The following RBPMS variants were observed in gnomAD, a reference collection of about 807,000 sequenced individuals.
RBPMS encodes RNA-binding protein with multiple splicing.
A neutral mutation model predicts 26.8 loss-of-function variants in RBPMS; 7 were observed. The ratio of observed to expected loss-of-function variants is 0.26; its 90% CI spans 0.15 to 0.49. The LOEUF (loss-of-function observed/expected upper bound fraction) is 0.49, where lower values mean the gene tolerates loss of function less well. RBPMS is among the 20% of genes least tolerant of loss of function. RBPMS has a pLI of 0.98. For missense variants in RBPMS, 186 were observed against 250.0 expected, an observed-to-expected ratio of 0.74 and a Z score of 1.73; for synonymous variants, 96 against 93.3, an observed-to-expected ratio of 1.03 and a Z score of -0.17.
chr8:30,462,861 T>TG (rs1816083711), intron 1 of RBPMS, among the ~76,000 whole-genome samples: 1 of 152,100 alleles, frequency 6.6e-6, no homozygotes, highest in South Asian at 2.1e-4. Flanking sequence ...AGCATGATGG[T>TG]GGGGTGCTGG....
intron 5 of RBPMS, among the ~76,000 whole-genome samples, chr8:30,540,254 G>A (rs1396871713): frequency 6.6e-6 from 1 of 152,190 alleles, no homozygotes; most frequent in Non-Finnish European, 1.5e-5. Flanking sequence ...GGCAGGCATA[G>A]TCATGCAATG....
chr8:30,558,630 T>G (rs931854680), intron 6 of RBPMS: 1 of 571,400 alleles, frequency 1.8e-6, no homozygotes, highest in Non-Finnish European at 3.2e-6. Flanking sequence ...AGCAGAGGAG[T>G]TGGTGGAACC....
chr8:30,487,539 C>CT (rs963365861), intron 4 of RBPMS, among the ~76,000 whole-genome samples: 3 of 142,860 alleles, frequency 2.1e-5, no homozygotes, highest in Non-Finnish European at 3.1e-5. Flanking sequence ...TAAATGCAGG[C>CT]TTTTTTTGCT....
chr8:30,516,833 A>G (rs1822358368), intron 5 of RBPMS, among the ~76,000 whole-genome samples: 1 of 151,900 alleles, frequency 6.6e-6, no homozygotes, highest in Admixed American at 6.6e-5. Flanking sequence ...ATCTAAGGCT[A>G]TAGTGTATCT....
intron 4 of RBPMS, among the ~76,000 whole-genome samples, chr8:30,498,781 G>A (rs1820244510): frequency 6.6e-6 from 1 of 152,102 alleles, no homozygotes; most frequent in African/African-American, 2.4e-5. Context: ...TTACACATAG[G>A]CAAAGGAGAG....
intron 1 of RBPMS, among the ~76,000 whole-genome samples, chr8:30,416,347 C>T (rs1810064913): frequency 6.6e-6 from 1 of 152,046 alleles, no homozygotes; most frequent in Admixed American, 6.6e-5. Context: ...TTTTGTTTTG[C>T]TTGAGACAGA....
At chr8:30,442,888 G>C (rs1484073109) in intron 1 of RBPMS, 1 of 152,170 alleles carries the variant, frequency 6.6e-6, no homozygotes, top group Non-Finnish European at 1.5e-5. Context: ...GCCTGAACTG[G>C]GGCTTCCGGG....
intron 6 of RBPMS, chr8:30,545,087 A>G: frequency 7.3e-7 from 1 of 1,360,852 alleles, no homozygotes; most frequent in Non-Finnish European, 9.6e-7. Flanking sequence ...ACCAAAGGGA[A>G]AGCTTCCAGG....
chr8:30,522,121 A>G (rs1005022654), intron 5 of RBPMS, among the ~76,000 whole-genome samples: 1 of 152,174 alleles, frequency 6.6e-6, no homozygotes. Context: ...TAACCATTCC[A>G]CAGTGTACAC....
At chr8:30,434,145 A>G (rs1211918201) in intron 1 of RBPMS, among the ~76,000 whole-genome samples, 1 of 151,140 alleles carries the variant, frequency 6.6e-6, no homozygotes, top group East Asian at 1.9e-4. Context: ...AAAATAAAAT[A>G]AAAATAAAGT....
intron 5 of RBPMS, among the ~76,000 whole-genome samples, chr8:30,505,803 G>A (rs902326251): frequency 6.6e-6 from 1 of 152,106 alleles, no homozygotes; most frequent in Admixed American, 6.6e-5. Flanking sequence ...TTGTAGAACT[G>A]TAGATGCATT....
At chr8:30,409,912 T>C (rs1165071616) in intron 1 of RBPMS, among the ~76,000 whole-genome samples, 1 of 152,078 alleles carries the variant, frequency 6.6e-6, no homozygotes, top group Non-Finnish European at 1.5e-5. Flanking sequence ...ATTATAGGCG[T>C]GAGCCACCGC....
intron 5 of RBPMS, among the ~76,000 whole-genome samples, chr8:30,532,202 G>GA (rs536788947): frequency 2.0e-5 from 3 of 152,132 alleles, no homozygotes; most frequent in Non-Finnish European, 4.4e-5. Context: ...GAATGAGGAA[G>GA]AAACAGTTAA....
chr8:30,464,740 C>T (rs16877027), intron 1 of RBPMS, among the ~76,000 whole-genome samples: 37,056 of 151,972 alleles, frequency 0.24, 4,851 homozygotes, highest in East Asian at 0.42. Context: ...ATGAGTCACC[C>T]AGATTATGCA....
At chr8:30,559,020 C>T (rs570297633) in intron 7 of RBPMS, 64 bp downstream of exon 7, 21 of 1,330,080 alleles carry the variant, frequency 1.6e-5, no homozygotes, top group African/African-American at 1.3e-4. Context: ...ATGGTGGGTG[C>T]GCCATGAACG....
intron 8 of RBPMS, among the ~76,000 whole-genome samples, chr8:30,567,370 C>A (rs1024870605): frequency 6.6e-6 from 1 of 152,178 alleles, no homozygotes; most frequent in South Asian, 2.1e-4. Flanking sequence ...CACAGGAAGC[C>A]GGACCCTGCA....
At chr8:30,529,076 C>T (rs1037557235) in intron 5 of RBPMS, among the ~76,000 whole-genome samples, 8 of 151,860 alleles carry the variant, frequency 5.3e-5, no homozygotes, top group African/African-American at 1.9e-4. Flanking sequence ...AAAAATTAGC[C>T]AAGTGTGGTG....
Position 30,443,763 on chromosome 8 carries a change from A to G in RBPMS, c.67-31016A>G, listed in dbSNP as rs569098157. Among the ~76,000 whole-genome samples the G allele has an allele frequency of 7.3e-5, 11 of 149,842 alleles. No individual in the cohort carries two copies. The East Asian group carries it at 1.6e-3, about 21-fold the overall frequency. On this transcript the variant is annotated intron_variant, in intron 1 of 8. Transcript: ENST00000397323. ...GCGTGCACCACCACCACGTCCAGCG[A>G]ATTTTTGTATTTTAGTAGAGACAGG... is the stretch of plus-strand genomic sequence containing the variant.
intron 1 of RBPMS, among the ~76,000 whole-genome samples, chr8:30,460,618 A>G (rs1467477416): frequency 1.3e-5 from 2 of 152,212 alleles, no homozygotes; most frequent in Non-Finnish European, 2.9e-5. Flanking sequence ...TTAAGTATAG[A>G]TATTAAAGGA....
Sources: gnomAD v4.1 joint callset for allele counts (sites outside exome capture counted in the v4.1 genomes callset) on GRCh38, gnomAD v4.1.1 for gene constraint, MANE v1.5 for transcripts, NCBI Gene and HGNC (gene_info 2026-07-23, HGNC 2026-07-21) for gene names.